Variants in HERC3 observed in about 807,000 individuals in gnomAD.
The protein encoded by HERC3 is HECT and RLD domain containing E3 ubiquitin protein ligase 3, also known as probable E3 ubiquitin-protein ligase HERC3.
Under a neutral mutation model 129.9 loss-of-function variants are expected in HERC3, and 58 were observed. That is an observed-to-expected ratio of 0.45 (90% CI 0.36 to 0.56). The LOEUF is 0.56. Ranked by LOEUF, HERC3 falls within the 20% of genes least tolerant of loss-of-function variation. The pLI is 0.00. For missense variants in HERC3, 835 were observed against 1,244.2 expected (o/e 0.67, Z 4.95); for synonymous variants, 430 against 451.0 (o/e 0.95, Z 0.59).
chr4:88,665,203 G>T (rs1373835986), intron 12 of HERC3, among the ~76,000 whole-genome samples: 5 of 152,178 alleles, frequency 3.3e-5, no homozygotes, highest in African/African-American at 1.2e-4. Context: ...ATTTACTACG[G>T]GAATTGGTTC....
Position 88,598,662 on chromosome 4 carries a change from A to T in HERC3, c.-30+3048A>T, listed in dbSNP as rs186534366. Among the ~76,000 whole-genome samples, 3 of 152,326 alleles carry T rather than the reference A, an allele frequency of 2.0e-5. No individual in the cohort carries two copies. The East Asian group carries it at 5.8e-4, about 29-fold the overall frequency. ...CCCTTTTTACATGCATTTTCTCATT[A>T]ATCCTCACAACACTCTAGCACCTTC... is the stretch of plus-strand genomic sequence containing the variant. On this transcript the variant is annotated intron_variant, in intron 2 of 25. Coordinates refer to ENST00000402738, the MANE Select transcript of HERC3 (RefSeq NM_014606.3).
chr4:88,684,614 T>C (rs1290644948), intron 21 of HERC3, among the ~76,000 whole-genome samples: 1 of 152,130 alleles, frequency 6.6e-6, no homozygotes, highest in Non-Finnish European at 1.5e-5. Context: ...AAAGCCAAAA[T>C]TGACAAATCG....
intron 16 of HERC3, 72 bp downstream of exon 16, chr4:88,670,324 T>C: frequency 2.0e-6 from 2 of 1,002,284 alleles, no homozygotes; most frequent in African/African-American, 1.6e-5. Context: ...CTGTATAATA[T>C]GTCTTTGACT....
At chr4:88,677,907 C>T in intron 18 of HERC3, 57 bp from the exon 19 acceptor site, 1 of 1,520,334 alleles carries the variant, frequency 6.6e-7, no homozygotes, top group Non-Finnish European at 9.0e-7. Flanking sequence ...CAGCTGACTG[C>T]TCTCCCAACT....
chr4:88,680,266 T>C, intron 20 of HERC3, 30 bp downstream of exon 20: 2 of 1,531,094 alleles, frequency 1.3e-6, no homozygotes, highest in Non-Finnish European at 8.8e-7. Flanking sequence ...ATTAAACAGA[T>C]GGATTAAATT....
At chr4:88,575,703 G>C in the HERC3 span, among the ~76,000 whole-genome samples, 1 of 152,136 alleles carries the variant, frequency 6.6e-6, no homozygotes, top group East Asian at 1.9e-4. Context: ...ACTATCAATT[G>C]ATGCATGAAT....
chr4:88,604,731 A>T (rs942872805), intron 2 of HERC3, among the ~76,000 whole-genome samples: 1 of 152,154 alleles, frequency 6.6e-6, no homozygotes, highest in East Asian at 1.9e-4. Context: ...ATTCCTTTAT[A>T]AGTTTTTGTG....
chr4:88,674,516 G>A (rs1731953643), intron 16 of HERC3, among the ~76,000 whole-genome samples: 1 of 152,142 alleles, frequency 6.6e-6, no homozygotes, highest in Admixed American at 6.5e-5. Context: ...TTGAGAATAG[G>A]CAGATAATGC....
Position 88,624,917 on chromosome 4 carries a change from A to T in HERC3, c.226+18868A>T, listed in dbSNP as rs553317210. 1.8e-3 allele frequency among the ~76,000 whole-genome samples: 280 copies of T among 152,224 alleles called. 1 individual carries two copies. Among genetic ancestry groups the T allele is most frequent in the African/African-American group, 6.2e-3 (259 of 41,548 alleles). On this transcript the variant is annotated intron_variant, in intron 3 of 25. Transcript: ENST00000402738. Reference sequence around the variant, plus strand: ...ATGGTCAAGGTTCGTTTTTTTGCATATGGATACCCAATTTTCAGCATCATT... The same window carrying T: ...ATGGTCAAGGTTCGTTTTTTTGCATTTGGATACCCAATTTTCAGCATCATT...
At chr4:88,667,079 T>C (rs768832437) in intron 12 of HERC3, among the ~76,000 whole-genome samples, 2 of 152,178 alleles carry the variant, frequency 1.3e-5, no homozygotes, top group Non-Finnish European at 2.9e-5. Context: ...AACTTCAAGA[T>C]AGCCTTAACT....
At chr4:88,600,401 G>C (rs548607963) in intron 2 of HERC3, among the ~76,000 whole-genome samples, 3 of 152,142 alleles carry the variant, frequency 2.0e-5, no homozygotes, top group Non-Finnish European at 4.4e-5. Context: ...GCCAGCTGAC[G>C]CATAACCTTT....
At chr4:88,696,067 G>A (rs1299636398) in intron 23 of HERC3, 8 of 152,452 alleles carry the variant, frequency 5.2e-5, no homozygotes, top group Non-Finnish European at 8.8e-5. Context: ...AATCCTTACT[G>A]TATGCATCTG....
the HERC3 span, among the ~76,000 whole-genome samples, chr4:88,578,832 A>T: frequency 6.6e-6 from 1 of 152,160 alleles, no homozygotes; most frequent in Non-Finnish European, 1.5e-5. Context: ...CTAAGATCAT[A>T]TAGTGGGAAA....
chr4:88,613,701 T>C (rs1249612827), intron 3 of HERC3, among the ~76,000 whole-genome samples: 1 of 152,202 alleles, frequency 6.6e-6, no homozygotes, highest in Non-Finnish European at 1.5e-5. Flanking sequence ...AACGCTGATA[T>C]AAAAGGCAGA....
the HERC3 span, among the ~76,000 whole-genome samples, chr4:88,533,248 C>T: frequency 6.6e-6 from 1 of 152,192 alleles, no homozygotes; most frequent in Non-Finnish European, 1.5e-5. Context: ...CTTCTGCCTG[C>T]TTTATTCTGC....
At chr4:88,676,268 T>C in intron 17 of HERC3, 27 bp downstream of exon 17, 1 of 1,576,860 alleles carries the variant, frequency 6.3e-7, no homozygotes, top group Non-Finnish European at 8.7e-7. Context: ...AAATTTGCTT[T>C]TATATTTTTC....
At chr4:88,691,460 G>A (rs1734065934) in intron 23 of HERC3, among the ~76,000 whole-genome samples, 1 of 151,030 alleles carries the variant, frequency 6.6e-6, no homozygotes, top group South Asian at 2.1e-4. Flanking sequence ...CTGCCAGCAT[G>A]GTTAGGTTCT....
chr4:88,672,384 T>A (rs760133755), intron 16 of HERC3, among the ~76,000 whole-genome samples: 9 of 152,194 alleles, frequency 5.9e-5, no homozygotes, highest in Admixed American at 5.2e-4. Context: ...ATATGGAAAA[T>A]TACATGAAAT....
At chr4:88,582,671 T>C in the HERC3 span, among the ~76,000 whole-genome samples, 2 of 152,224 alleles carry the variant, frequency 1.3e-5, no homozygotes, top group Non-Finnish European at 2.9e-5. Context: ...CTTATTCTTC[T>C]GGAGGCTGCT....
Sources: allele counts gnomAD v4.1 joint callset (sites outside exome capture counted in the v4.1 genomes callset), GRCh38; gene constraint gnomAD v4.1.1; transcripts MANE v1.5; gene names NCBI Gene and HGNC (gene_info 2026-07-23, HGNC 2026-07-21).